Variants in RGS12 observed in about 807,000 individuals in gnomAD.
RGS12 encodes the protein regulator of G protein signaling 12.
RGS12 carries 66 observed loss-of-function variants against 120.1 expected under a neutral mutation model. That is an observed-to-expected ratio of 0.55 (90% CI 0.45 to 0.67). The LOEUF is 0.67. RGS12 is among the 30% of genes least tolerant of loss of function. The pLI, the probability that RGS12 is intolerant of heterozygous loss-of-function variation, is 0.00. For synonymous variants in RGS12, 827 were observed against 804.7 expected, an observed-to-expected ratio of 1.03 and a Z score of -0.47; for missense variants, 1,859 against 1,957.7, an observed-to-expected ratio of 0.95 and a Z score of 0.95.
chr4:3,346,842 C>G (rs77164002), intron 3 of RGS12, among the ~76,000 whole-genome samples: 5,058 of 152,274 alleles, frequency 0.033, 267 homozygotes, highest in African/African-American at 0.11. Context: ...GGGCCTGATA[C>G]GAAGTGACAG....
At chr4:3,425,424 C>A in intron 13 of RGS12, 40 bp from the exon 14 acceptor site, 2 of 1,549,236 alleles carry the variant, frequency 1.3e-6, no homozygotes, top group South Asian at 1.1e-5. Flanking sequence ...CCCTGAAGTT[C>A]CAGTCTGGGT....
At chr4:3,362,737 CTG>C (rs56743135) in intron 3 of RGS12, among the ~76,000 whole-genome samples, 1,523 of 55,838 alleles carry the variant, frequency 0.027, 24 homozygotes, top group African/African-American at 0.076. Context: ...GCGAGGATGT[CTG>C]TGTGAGGGTG....
intron 14 of RGS12, among the ~76,000 whole-genome samples, chr4:3,427,249 G>C (rs1356901703): frequency 6.6e-6 from 1 of 152,236 alleles, no homozygotes; most frequent in Non-Finnish European, 1.5e-5. Flanking sequence ...CCCAGGGCCT[G>C]CTGGGCCTCG....
At chr4:3,420,566 G>C in intron 9 of RGS12, 76 bp from the exon 10 acceptor site, 1 of 1,459,724 alleles carries the variant, frequency 6.9e-7, no homozygotes, top group Non-Finnish European at 9.6e-7. Flanking sequence ...CAGCCTAAAG[G>C]GGGCAGAGGG....
At chr4:3,290,484 G>A (rs1722983290), upstream of RGS12, among the ~76,000 whole-genome samples, 1 of 152,262 alleles carries the variant, frequency 6.6e-6, no homozygotes, top group African/African-American at 2.4e-5. Flanking sequence ...CCTTTGTGAC[G>A]AGCTTATTTC....
Position 3,422,521 on chromosome 4 carries a change from A to G in RGS12, c.2984A>G (p.His995Arg). ...ATCCTGTCCGGACTCTGTGAGCGGC[A>G]TGGCATCAACGGGGCGGCCGCGGAC... ...KDILSGLCERHGINGAAADLF... is the reference protein window; with the variant it reads ...KDILSGLCERRGINGAAADLF... The change falls in exon 11 of 18, where the codon CAT becomes CGT. Residue 995 changes from histidine to arginine, a missense_variant. By Grantham distance (29) the His-to-Arg change is conservative (BLOSUM62 0). This residue lies in a region of RGS12 where 375 missense variants were observed against 475.0 expected (regional missense o/e 0.79). Transcript: ENST00000336727. 2 of 1,612,866 alleles carry G rather than the reference A, an allele frequency of 1.2e-6. No homozygotes were observed. Among genetic ancestry groups the G allele is most frequent in the Non-Finnish European group, 1.7e-6 (2 of 1,179,964 alleles).
intron 1 of RGS12, among the ~76,000 whole-genome samples, chr4:3,304,605 C>T (rs778019440): frequency 6.6e-6 from 1 of 152,174 alleles, no homozygotes; most frequent in African/African-American, 2.4e-5. Context: ...AATTAGACTT[C>T]GCTTGTGAGA....
upstream of RGS12, among the ~76,000 whole-genome samples, chr4:3,290,939 C>T (rs1722990126): frequency 1.3e-5 from 2 of 152,254 alleles, no homozygotes; most frequent in African/African-American, 2.4e-5. Flanking sequence ...GCAATTTCTC[C>T]CCACTTCTGG....
chr4:3,424,518 G>A (rs922916478), intron 13 of RGS12, among the ~76,000 whole-genome samples: 11 of 152,240 alleles, frequency 7.2e-5, no homozygotes, highest in African/African-American at 2.7e-4. Context: ...ACTCTGGGGA[G>A]ACGCTGCGCA....
At chr4:3,423,684 G>A (rs1723286409) in intron 13 of RGS12, 43 bp downstream of exon 13, 1 of 1,580,742 alleles carries the variant, frequency 6.3e-7, no homozygotes, top group Non-Finnish European at 8.6e-7. Context: ...CGCAGGCACT[G>A]TCTGTTCCCT....
rs754357222 is a variant in RGS12 at position 3,317,963 on chromosome 4, C to T, written c.1793C>T (p.Pro598Leu). 2.6e-5 allele frequency: 42 copies of T among 1,614,072 alleles called. No individual in the cohort carries two copies. The highest frequency in any genetic ancestry group is 4.0e-5 in the African/African-American group (3 of 74,952). Residue 598 changes from proline to leucine, a missense_variant, in exon 2 of 18, where the codon CCG becomes CTG. Physicochemically the swap from Pro to Leu is moderately conservative, Grantham distance 98. Coordinates refer to ENST00000336727, the MANE Select transcript of RGS12 (RefSeq NM_001394154.1). ...TTCGCGCAGCCCCCGCTGAATGCCC[C>T]GAAGAGGGAGTGGTCCAGGAAGGCC... ...GSFAQPPLNA[P>L]KREWSRKAFG...
chr4:3,369,891 T>C (rs1246325593), intron 3 of RGS12: 20 of 408,802 alleles, frequency 4.9e-5, no homozygotes, highest in Admixed American at 2.3e-4. Flanking sequence ...AATAGATTCA[T>C]TGGCAGCTGT....
chr4:3,408,178 G>A (rs1008944552), intron 4 of RGS12, among the ~76,000 whole-genome samples: 4 of 152,206 alleles, frequency 2.6e-5, no homozygotes, highest in African/African-American at 9.7e-5. Flanking sequence ...TCCCTCCCGC[G>A]TTCTGGCCTT....
At chr4:3,405,365 G>T (rs761651385) in intron 4 of RGS12, among the ~76,000 whole-genome samples, 1 of 152,208 alleles carries the variant, frequency 6.6e-6, no homozygotes, top group African/African-American at 2.4e-5. Context: ...GAGGGACACC[G>T]CATGGCTTCC....
intron 4 of RGS12, among the ~76,000 whole-genome samples, chr4:3,388,998 A>G (rs1251981722): frequency 6.6e-6 from 1 of 152,158 alleles, no homozygotes; most frequent in Non-Finnish European, 1.5e-5. Context: ...TTGGTGATTA[A>G]TAGATCACTC....
chr4:3,417,397 A>G lies in RGS12; in HGVS notation c.2617A>G (p.Lys873Glu), dbSNP rs974751773. The G allele has an allele frequency of 1.3e-6, 2 of 1,569,688 alleles. No individual in the cohort carries two copies. The highest frequency in any genetic ancestry group is 2.8e-5 in the African/African-American group (2 of 72,686). Residue 873 changes from lysine to glutamate, a missense_variant, in exon 9 of 18, where the codon AAA becomes GAA. Around this residue, in one of 3 missense-constraint regions of RGS12, gnomAD observed 375 missense variants for 475.0 expected, o/e 0.79. Transcript: ENST00000336727. ...TTCCATTTGATGACAGTTAAGTGGA[A>G]AATCAAAATCCGGCCGATCCCTGAA... ...SVSTPKKLSG[K>E]SKSGRSLNEE...
intron 3 of RGS12, among the ~76,000 whole-genome samples, chr4:3,368,375 G>T (rs1332372293): frequency 6.7e-6 from 1 of 148,168 alleles, no homozygotes; most frequent in Non-Finnish European, 1.5e-5. Flanking sequence ...GTGCGTGCCT[G>T]TGTGTGGGTG....
rs375660604 is a variant in RGS12 at position 3,317,940 on chromosome 4, C to T, written c.1770C>T (p.Phe590=). The T allele has an allele frequency of 2.3e-4, 379 of 1,614,080 alleles. 1 individual carries two copies. The highest frequency in any genetic ancestry group is 6.7e-4 in the South Asian group (61 of 91,088). The change falls in exon 2 of 18, where the codon TTC becomes TTT. Residue 590 remains phenylalanine, a synonymous_variant. Transcript: ENST00000336727. ...ACCGCTACAGGGTGGAGGGCAGCTT[C>T]GCGCAGCCCCCGCTGAATGCCCCGA... ...PADRYRVEGS[F]AQPPLNAPKR... is the part of the protein sequence containing the mutation.
At position 3,316,207 on chromosome 4, in the gene RGS12, C is replaced by T. The variant is rs931425890; in HGVS notation, c.37C>T (p.Pro13Ser). ...TGGGGAGGCCTCCAAACGCCCATTG[C>T]CTGGGCCGTCGCCCCCAAGGGTGCG... ...RAGEASKRPL[P>S]GPSPPRVRSV... Residue 13 changes from proline to serine, a missense_variant, in exon 2 of 18, where the codon CCT becomes TCT. Pro to Ser is a moderately conservative substitution (Grantham distance 74, BLOSUM62 -1). Around this residue, in one of 3 missense-constraint regions of RGS12, gnomAD observed 967 missense variants for 994.2 expected, o/e 0.97. Coordinates refer to ENST00000336727, the MANE Select transcript of RGS12 (RefSeq NM_001394154.1). 6.3e-7 allele frequency: 1 copy of T among 1,593,054 alleles called. No individual in the cohort carries two copies. The highest frequency in any genetic ancestry group is 2.2e-5 in the East Asian group (1 of 44,558).
Sources: gnomAD v4.1 joint callset for allele counts (sites outside exome capture counted in the v4.1 genomes callset) on GRCh38, gnomAD v4.1.1 for gene constraint, gnomAD v4.1.1 regional missense constraint, MANE v1.5 for transcripts, NCBI Gene and HGNC (gene_info 2026-07-23, HGNC 2026-07-21) for gene names.